The following TTLL1 variants were observed in gnomAD, a reference collection of about 807,000 sequenced individuals.
TTLL1 encodes TTL family tubulin polyglutamylase complex subunit L1, also known as polyglutamylase complex subunit TTLL1.
A neutral mutation model predicts 47.8 loss-of-function variants in TTLL1; 33 were observed. That is an observed-to-expected ratio of 0.69 (90% CI 0.52 to 0.92). The LOEUF (loss-of-function observed/expected upper bound fraction) is 0.92. TTLL1 is among the 40% of genes least tolerant of loss of function. The pLI, the probability that TTLL1 is intolerant of heterozygous loss-of-function variation, is 0.00. For missense variants in TTLL1, 488 were observed against 547.5 expected, an observed-to-expected ratio of 0.89 and a Z score of 1.08; for synonymous variants, 225 against 214.1, an observed-to-expected ratio of 1.05 and a Z score of -0.45.
rs1286502268 is a variant in TTLL1 at position 43,083,123 on chromosome 22, C to T, written c.-89-3137G>A. 2.0e-5 allele frequency among the ~76,000 whole-genome samples: 3 copies of T among 151,934 alleles called. No homozygotes were observed. In the East Asian group the frequency reaches 5.8e-4, roughly 29 times the overall value. ...GGCTCACGCCTGTAATCCTAGCACT[C>T]TGGGAGGCCGAGGCAGGCAGATCAC... On this transcript the variant is annotated intron_variant, in intron 1 of 10. Transcript: ENST00000266254.
intron 7 of TTLL1, 42 bp from the exon 8 acceptor site, chr22:43,059,569 C>T (rs750040906): frequency 1.3e-6 from 2 of 1,585,476 alleles, no homozygotes; most frequent in East Asian, 2.3e-5. Context: ...AGGCTATGCA[C>T]CCCAGAGGAA....
Position 43,075,537 on chromosome 22 carries a change from A to T in TTLL1, c.50T>A (p.Ile17Asn), listed in dbSNP as rs1194623662. 2 of 1,614,162 alleles carry T rather than the reference A, an allele frequency of 1.2e-6. No individual in the cohort carries two copies. Among genetic ancestry groups the T allele is most frequent in the South Asian group, 2.2e-5 (2 of 91,082 alleles). Residue 17 changes from isoleucine (I) to asparagine (N), a missense_variant, in exon 3 of 11, where the codon ATC becomes AAC. Physicochemically the swap from Ile to Asn is moderately radical, Grantham distance 149. Transcript: ENST00000266254. Reference sequence around the variant, plus strand: ...CCATCCTCTCTTTTCAAAGTTATTGATCAGCACTGACTTCTCGATATCAGT... The same window carrying T: ...CCATCCTCTCTTTTCAAAGTTATTGTTCAGCACTGACTTCTCGATATCAGT... Reference protein sequence around the residue: ...WVTDIEKSVLINNFEKRGWVQ... With the variant: ...WVTDIEKSVLNNNFEKRGWVQ...
chr22:43,080,849 C>A (rs1286032354), intron 1 of TTLL1, among the ~76,000 whole-genome samples: 2 of 142,866 alleles, frequency 1.4e-5, no homozygotes, highest in Admixed American at 1.5e-4. Flanking sequence ...TACATTCCTT[C>A]TATAAACACA....
intron 10 of TTLL1, among the ~76,000 whole-genome samples, chr22:43,045,282 C>T (rs777291798): frequency 1.1e-4 from 16 of 152,128 alleles, no homozygotes; most frequent in African/African-American, 1.2e-4. Flanking sequence ...GAGTATGCCA[C>T]GGAACCGCTC....
At chr22:43,060,762 C>T (rs1601676925) in intron 7 of TTLL1, among the ~76,000 whole-genome samples, 1 of 152,082 alleles carries the variant, frequency 6.6e-6, no homozygotes, top group Non-Finnish European at 1.5e-5. Context: ...TAGAAAATAC[C>T]CAAATGTATT....
chr22:43,066,174 T>TA (rs149083003), intron 5 of TTLL1, among the ~76,000 whole-genome samples: 13,085 of 143,156 alleles, frequency 0.091, 792 homozygotes, highest in African/African-American at 0.16. Flanking sequence ...AAAAAAAAAT[T>TA]AAAAAAAAAA....
At chr22:43,074,630 C>T (rs921540070) in intron 3 of TTLL1, among the ~76,000 whole-genome samples, 1 of 151,854 alleles carries the variant, frequency 6.6e-6, no homozygotes, top group Admixed American at 6.6e-5. Flanking sequence ...CACTTGAGTC[C>T]AGGAGTTTGA....
intron 1 of TTLL1, among the ~76,000 whole-genome samples, chr22:43,081,794 G>A (rs1443354227): frequency 2.0e-5 from 3 of 147,306 alleles, no homozygotes; most frequent in Non-Finnish European, 3.0e-5. Flanking sequence ...TGATCCACCC[G>A]CTTCGGCCTC....
chr22:43,059,749 G>C (rs1927279063), intron 7 of TTLL1, among the ~76,000 whole-genome samples: 1 of 152,130 alleles, frequency 6.6e-6, no homozygotes. Context: ...GAGTGCGGTG[G>C]CATTACTTTG....
At chr22:43,069,114 C>T (rs1159834160) in intron 4 of TTLL1, among the ~76,000 whole-genome samples, 3 of 150,604 alleles carry the variant, frequency 2.0e-5, no homozygotes, top group African/African-American at 7.3e-5. Flanking sequence ...TGGTGGCTCA[C>T]GTCTATAATC....
At chr22:43,064,748 AT>A (rs1362711098) in intron 5 of TTLL1, among the ~76,000 whole-genome samples, 1 of 151,858 alleles carries the variant, frequency 6.6e-6, no homozygotes, top group Non-Finnish European at 1.5e-5. Flanking sequence ...AAGTAAATAA[AT>A]AAATAAAGAC....
chr22:43,066,320 A>ACCCATG (rs1313213427), intron 5 of TTLL1, among the ~76,000 whole-genome samples: 1 of 151,924 alleles, frequency 6.6e-6, no homozygotes, highest in African/African-American at 2.4e-5. Context: ...CATGGAGGAC[A>ACCCATG]CACCCCCTGC....
chr22:43,064,438 A>C, intron 5 of TTLL1, 114 bp from the exon 6 acceptor site: 1 of 1,326,208 alleles, frequency 7.5e-7, no homozygotes, highest in Non-Finnish European at 1.0e-6. Context: ...AAAATTAAAG[A>C]GTTTTGGCTG....
In TTLL1 at chr22:43,040,006, G is replaced by T. The variant is rs541765452; in HGVS notation, c.1143-101C>A. The T allele has an allele frequency of 1.9e-5, 28 of 1,501,378 alleles. No individual in the cohort carries two copies. In the South Asian group the frequency reaches 3.3e-4, roughly 18 times the overall value. The allele number at this position is 1,501,378 out of a possible 1,614,324, so 93.0% of individuals were successfully genotyped here. A position where few individuals can be genotyped will look rare whatever the true frequency, so the allele number is the denominator to read the frequency against. On this transcript the variant is annotated intron_variant, in intron 10 of 10. Transcript: ENST00000266254. ...GGCAAATATGACATCACCCAGAGAAGCGGCCTGAGGGGGCCCCACCCTCGC... is the reference window on the plus strand; with the variant it reads ...GGCAAATATGACATCACCCAGAGAATCGGCCTGAGGGGGCCCCACCCTCGC...
Position 43,084,962 on chromosome 22 carries a change from C to CTTTTTT in TTLL1, c.-90+4309_-90+4314dup, listed in dbSNP as rs148980685. ...CATCATTAAGAACAAAAGCTGCCAC[C>CTTTTTT]TTTTTTTTTTTTTTTTTTTTTTTGA... On this transcript the variant is annotated intron_variant, in intron 1 of 10. Coordinates refer to ENST00000266254, the MANE Select transcript of TTLL1 (RefSeq NM_012263.5). 1.8e-3 allele frequency among the ~76,000 whole-genome samples: 207 copies of CTTTTTT among 112,716 alleles called. 2 individuals carry two copies. The highest frequency in any genetic ancestry group is 5.4e-3 in the African/African-American group (146 of 26,876). 73.9% of individuals were successfully genotyped at this position (112,716 alleles called of 152,430 possible).
rs142683826 is a variant in TTLL1, at chr22:43,085,228, G to A, written c.-90+4049C>T. 6.3e-3 allele frequency among the ~76,000 whole-genome samples: 949 copies of A among 151,004 alleles called. 9 individuals are homozygous for A. Among genetic ancestry groups the A allele is most frequent in the African/African-American group, 0.022 (892 of 41,148 alleles). On this transcript the variant is annotated intron_variant, in intron 1 of 10. Coordinates refer to ENST00000266254, the MANE Select transcript of TTLL1 (RefSeq NM_012263.5). ...CCTGACCTCGTGATCCGCCTGCCTC[G>A]GCCTCCCAAAGTGCTGGGATTACAG...
intron 9 of TTLL1, among the ~76,000 whole-genome samples, chr22:43,050,074 G>A (rs1176820579): frequency 6.6e-6 from 1 of 151,796 alleles, no homozygotes; most frequent in Admixed American, 6.6e-5. Context: ...TCCAGCCTAG[G>A]CGACAGAGTG....
chr22:43,075,653 G>A (rs1928440222), intron 2 of TTLL1, 63 bp from the exon 3 acceptor site: 12 of 1,444,574 alleles, frequency 8.3e-6, no homozygotes, highest in Non-Finnish European at 1.2e-5. Flanking sequence ...TTAAACCCAA[G>A]GAATCCTCTA....
intron 6 of TTLL1, 22 bp from the exon 7 acceptor site, chr22:43,063,943 T>G (rs1390306594): frequency 6.2e-7 from 1 of 1,608,446 alleles, no homozygotes; most frequent in South Asian, 1.1e-5. Context: ...TGTAGATTAA[T>G]TCAAACTCTG....
Sources: gnomAD v4.1 joint callset for allele counts (sites outside exome capture counted in the v4.1 genomes callset) on GRCh38, gnomAD v4.1.1 for gene constraint, MANE v1.5 for transcripts, NCBI Gene and HGNC (gene_info 2026-07-23, HGNC 2026-07-21) for gene names.